The following LUZP2 variants were observed in gnomAD, a reference collection of about 807,000 sequenced individuals.
The protein encoded by LUZP2 is leucine zipper protein 2.
In LUZP2, 52 loss-of-function variants were observed where a neutral mutation model predicts 51.6. That is an observed-to-expected ratio of 1.01 (90% confidence interval 0.81 to 1.27). The LOEUF (loss-of-function observed/expected upper bound fraction) is 1.27. Ranked by LOEUF, LUZP2 falls within the 50% of genes most tolerant of loss-of-function variation. The pLI, the probability that LUZP2 is intolerant of heterozygous loss-of-function variation, is 0.00. For missense variants in LUZP2, 436 were observed against 395.4 expected (o/e 1.10, Z -0.87); for synonymous variants, 154 against 137.3 (o/e 1.12, Z -0.85).
intron 5 of LUZP2, among the ~76,000 whole-genome samples, chr11:24,870,850 T>C (rs2134266635): frequency 6.6e-6 from 1 of 152,266 alleles, no homozygotes; most frequent in African/African-American, 2.4e-5. Flanking sequence ...TGTTGTTCTC[T>C]ACTGATGTCC....
chr11:24,509,988 T>C (rs1351063184), intron 1 of LUZP2, among the ~76,000 whole-genome samples: 1 of 152,172 alleles, frequency 6.6e-6, no homozygotes, highest in Non-Finnish European at 1.5e-5. Flanking sequence ...ATTTTTATAG[T>C]GTTTTAATTT....
At chr11:24,550,684 C>T (rs144534571) in intron 1 of LUZP2, among the ~76,000 whole-genome samples, 1 of 152,048 alleles carries the variant, frequency 6.6e-6, no homozygotes, top group Admixed American at 6.6e-5. Flanking sequence ...AATGAATGTA[C>T]CTTATTCTCC....
At chr11:24,850,152 CT>C (rs56019048) in intron 5 of LUZP2, among the ~76,000 whole-genome samples, 23,039 of 152,126 alleles carry the variant, frequency 0.15, 1,894 homozygotes, top group African/African-American at 0.2. Context: ...TCAATTTTGG[CT>C]TTTGCTGCCA....
At chr11:24,542,780 CT>C (rs1315201835) in intron 1 of LUZP2, among the ~76,000 whole-genome samples, 5 of 151,872 alleles carry the variant, frequency 3.3e-5, no homozygotes, top group African/African-American at 1.2e-4. Flanking sequence ...GACTGTGTCA[CT>C]TTTTTGGTGA....
intron 10 of LUZP2, among the ~76,000 whole-genome samples, chr11:25,056,565 G>A (rs1858688913): frequency 6.6e-6 from 1 of 152,090 alleles, no homozygotes; most frequent in African/African-American, 2.4e-5. Context: ...TGACTTTGCT[G>A]TTTCCTAACA....
At chr11:24,580,967 T>A (rs1447653133) in intron 1 of LUZP2, among the ~76,000 whole-genome samples, 1 of 152,092 alleles carries the variant, frequency 6.6e-6, no homozygotes, top group African/African-American at 2.4e-5. Context: ...TATTTTGTTA[T>A]AATGATTTGG....
rs549160526 is a variant in LUZP2, at chr11:25,039,741, C to T, written c.766-10297C>T. Among the ~76,000 whole-genome samples the T allele has an allele frequency of 2.6e-5, 4 of 152,298 alleles. No individual in the cohort carries two copies. In the South Asian group the frequency reaches 8.3e-4, roughly 32 times the overall value. ...TCCCTTCACTCGTATCTTCCTCAAGCACCATTCAGAGTTGGAACAGATTAT... is the reference window on the plus strand; with the variant it reads ...TCCCTTCACTCGTATCTTCCTCAAGTACCATTCAGAGTTGGAACAGATTAT... On this transcript the variant is annotated intron_variant, in intron 9 of 11. Transcript: ENST00000336930.
At chr11:24,898,246 T>A (rs986462478) in intron 5 of LUZP2, among the ~76,000 whole-genome samples, 3 of 149,624 alleles carry the variant, frequency 2.0e-5, no homozygotes, top group Non-Finnish European at 3.0e-5. Context: ...GTGACAATTA[T>A]AAAAAAAAAA....
At chr11:24,736,143 G>C (rs1325282788) in intron 3 of LUZP2, among the ~76,000 whole-genome samples, 1 of 151,804 alleles carries the variant, frequency 6.6e-6, no homozygotes, top group Non-Finnish European at 1.5e-5. Context: ...ATTGCCTCTA[G>C]ATGTCAGAAT....
chr11:24,552,060 A>G (rs1264456257), intron 1 of LUZP2, among the ~76,000 whole-genome samples: 3 of 151,998 alleles, frequency 2.0e-5, no homozygotes, highest in Non-Finnish European at 4.4e-5. Context: ...AAAAAACCCA[A>G]AAACTAATCA....
chr11:24,649,665 G>A (rs1178981449), intron 1 of LUZP2, among the ~76,000 whole-genome samples: 1 of 151,814 alleles, frequency 6.6e-6, no homozygotes, highest in Non-Finnish European at 1.5e-5. Context: ...CAGTAATAGC[G>A]ATAGGTGTTA....
intron 5 of LUZP2, chr11:24,892,110 T>C (rs1356883139): frequency 1.0e-6 from 1 of 985,542 alleles, no homozygotes; most frequent in Admixed American, 6.1e-5. Flanking sequence ...ACTAGTTTGA[T>C]AGGCTCTCAC....
intron 1 of LUZP2, among the ~76,000 whole-genome samples, chr11:24,712,272 G>A (rs1384923275): frequency 6.6e-6 from 1 of 151,896 alleles, no homozygotes; most frequent in Non-Finnish European, 1.5e-5. Context: ...AATTAGCCAG[G>A]CATGGTGGCA....
In LUZP2 at chr11:25,002,017, G is replaced by A. The variant is rs144117490; in HGVS notation, c.765+18724G>A. 2.9e-3 allele frequency among the ~76,000 whole-genome samples: 442 copies of A among 152,304 alleles called. 3 individuals are homozygous for A. The highest frequency in any genetic ancestry group is 0.01 in the African/African-American group (416 of 41,578). On this transcript the variant is annotated intron_variant, in intron 9 of 11. Transcript: ENST00000336930. ...GCAATAACTCCATGATTTCCCTGTGGTATTTAATGGGGGTTCCCCCAGAGG... is the reference window on the plus strand; with the variant it reads ...GCAATAACTCCATGATTTCCCTGTGATATTTAATGGGGGTTCCCCCAGAGG...
chr11:24,782,501 G>A (rs770978378), intron 5 of LUZP2, among the ~76,000 whole-genome samples: 6 of 151,892 alleles, frequency 4.0e-5, no homozygotes, highest in Non-Finnish European at 7.4e-5. Context: ...TATAACCACA[G>A]AAAATAGAGC....
intron 1 of LUZP2, among the ~76,000 whole-genome samples, chr11:24,642,714 A>G (rs1855331841): frequency 6.7e-6 from 1 of 149,796 alleles, no homozygotes; most frequent in African/African-American, 2.6e-5. Flanking sequence ...AAATTTTGCA[A>G]CAGGGGAGAC....
At chr11:25,021,079 T>A (rs1025214326) in intron 9 of LUZP2, among the ~76,000 whole-genome samples, 1 of 152,062 alleles carries the variant, frequency 6.6e-6, no homozygotes, top group African/African-American at 2.4e-5. Context: ...CTCTTCTTAG[T>A]TGGGGCTTAT....
At chr11:24,929,599 G>C (rs1022454696) in intron 7 of LUZP2, among the ~76,000 whole-genome samples, 1 of 151,948 alleles carries the variant, frequency 6.6e-6, no homozygotes, top group African/African-American at 2.4e-5. Flanking sequence ...ACATAATTTT[G>C]ATTTTCTTAA....
intron 1 of LUZP2, among the ~76,000 whole-genome samples, chr11:24,620,107 T>C (rs1231272167): frequency 6.6e-6 from 1 of 152,200 alleles, no homozygotes; most frequent in Non-Finnish European, 1.5e-5. Flanking sequence ...TAAATAGATA[T>C]ATTTTAGTCA....
Sources: allele counts gnomAD v4.1 joint callset (sites outside exome capture counted in the v4.1 genomes callset), GRCh38; gene constraint gnomAD v4.1.1; transcripts MANE v1.5; gene names NCBI Gene and HGNC (gene_info 2026-07-23, HGNC 2026-07-21).